Variants in SSBP2 observed in about 807,000 individuals in gnomAD.
The protein encoded by SSBP2 is single-stranded DNA-binding protein 2.
Under a neutral mutation model 61.8 loss-of-function variants are expected in SSBP2, and 17 were observed. That is an observed-to-expected ratio of 0.28 (90% CI 0.19 to 0.41). SSBP2 has a LOEUF of 0.41. Ranked by LOEUF, SSBP2 falls within the 10% of genes least tolerant of loss-of-function variation. The probability of loss-of-function intolerance (pLI) is 1.00; values close to 1 mark genes in which losing one functional copy is unlikely to be tolerated. For synonymous variants in SSBP2, 139 were observed against 141.3 expected, an observed-to-expected ratio of 0.98 and a Z score of 0.12; for missense variants, 310 against 458.7, an observed-to-expected ratio of 0.68 and a Z score of 2.96.
intron 6 of SSBP2, among the ~76,000 whole-genome samples, chr5:81,479,872 A>G (rs1765859480): frequency 6.6e-6 from 1 of 152,116 alleles, no homozygotes; most frequent in Admixed American, 6.6e-5. Flanking sequence ...GGTTTTATTG[A>G]TGCATGATTT....
At chr5:81,562,158 G>A (rs1003574443) in intron 4 of SSBP2, among the ~76,000 whole-genome samples, 2 of 151,826 alleles carry the variant, frequency 1.3e-5, no homozygotes, top group Admixed American at 6.6e-5. Context: ...CACTGGCTTC[G>A]GCCTCCCAAA....
At chr5:81,475,601 A>T (rs1765532418) in intron 6 of SSBP2, among the ~76,000 whole-genome samples, 1 of 152,120 alleles carries the variant, frequency 6.6e-6, no homozygotes, top group Non-Finnish European at 1.5e-5. Flanking sequence ...GCCATATCAA[A>T]CTTCTTTCAG....
chr5:81,450,281 C>A (rs1489035302), intron 10 of SSBP2, among the ~76,000 whole-genome samples: 1 of 152,144 alleles, frequency 6.6e-6, no homozygotes, highest in African/African-American at 2.4e-5. Context: ...CTTGACCTCC[C>A]AAAGTGTCAG....
chr5:81,617,989 T>A (rs1746223795), intron 3 of SSBP2, among the ~76,000 whole-genome samples: 1 of 133,828 alleles, frequency 7.5e-6, no homozygotes, highest in Admixed American at 7.7e-5. Context: ...TACCAGCTGC[T>A]GCAAAATCAT....
intron 15 of SSBP2, among the ~76,000 whole-genome samples, chr5:81,436,314 T>A (rs1267421260): frequency 6.6e-6 from 1 of 151,460 alleles, no homozygotes; most frequent in Non-Finnish European, 1.5e-5. Flanking sequence ...AAAACAGGCC[T>A]CATAAATACC....
At chr5:81,717,181 G>A (rs1481440138) in intron 1 of SSBP2, among the ~76,000 whole-genome samples, 1 of 152,152 alleles carries the variant, frequency 6.6e-6, no homozygotes, top group Non-Finnish European at 1.5e-5. Context: ...AGGGCCGTTT[G>A]TCAGGGTTGT....
intron 4 of SSBP2, among the ~76,000 whole-genome samples, chr5:81,537,155 C>T (rs1322648242): frequency 1.3e-5 from 2 of 152,138 alleles, no homozygotes; most frequent in South Asian, 2.1e-4. Flanking sequence ...GTGCTCTGAT[C>T]TCACTGGGCT....
At chr5:81,562,760 T>A (rs534633655) in intron 4 of SSBP2, among the ~76,000 whole-genome samples, 1 of 152,212 alleles carries the variant, frequency 6.6e-6, no homozygotes, top group South Asian at 2.1e-4. Context: ...CAACGAATAA[T>A]CAGATATTCA....
intron 4 of SSBP2, among the ~76,000 whole-genome samples, chr5:81,594,874 C>T (rs1027078121): frequency 1.7e-4 from 26 of 151,918 alleles, no homozygotes; most frequent in Non-Finnish European, 2.1e-4. Flanking sequence ...GCACTAAATG[C>T]CCACAAGAGA....
At position 81,699,513 on chromosome 5, in the gene SSBP2, T is replaced by C. The variant is rs915085755; in HGVS notation, c.63-49174A>G. 3.3e-5 allele frequency among the ~76,000 whole-genome samples: 5 copies of C among 152,226 alleles called. No individual in the cohort carries two copies. The East Asian group carries it at 7.7e-4, about 23-fold the overall frequency. On this transcript the variant is annotated intron_variant, in intron 1 of 16. Transcript: ENST00000320672. The stretch of plus-strand genomic sequence containing the variant: ...AGAAACCACTTTCTTTGCTCATCCA[T>C]AAGAAATAACTCCTCATCCATTTAA...
At chr5:81,569,236 A>C (rs1024752489) in intron 4 of SSBP2, among the ~76,000 whole-genome samples, 4 of 152,204 alleles carry the variant, frequency 2.6e-5, no homozygotes, top group African/African-American at 9.6e-5. Flanking sequence ...TGACAAAAGC[A>C]TAGTGTAACC....
intron 5 of SSBP2, among the ~76,000 whole-genome samples, chr5:81,498,344 T>C (rs1446565333): frequency 1.3e-5 from 2 of 152,112 alleles, no homozygotes; most frequent in African/African-American, 4.8e-5. Flanking sequence ...TAACTACGTA[T>C]ATACCAAATC....
chr5:81,515,985 T>C (rs1768990055), intron 4 of SSBP2, among the ~76,000 whole-genome samples: 1 of 151,854 alleles, frequency 6.6e-6, no homozygotes, highest in Non-Finnish European at 1.5e-5. Context: ...GTAGTTAATG[T>C]AATAGGAAAA....
chr5:81,639,311 G>C (rs985182007), intron 2 of SSBP2, among the ~76,000 whole-genome samples: 1 of 152,088 alleles, frequency 6.6e-6, no homozygotes, highest in Non-Finnish European at 1.5e-5. Flanking sequence ...TTAAAACAAG[G>C]TCAATATCTC....
In SSBP2 at chr5:81,420,899, G is replaced by A. The variant is rs143077467; in HGVS notation, c.1057-366C>T. 3.6e-3 allele frequency among the ~76,000 whole-genome samples: 545 copies of A among 152,224 alleles called. 2 individuals carry two copies. Among genetic ancestry groups the A allele is most frequent in the African/African-American group, 0.012 (505 of 41,526 alleles). On this transcript the variant is annotated intron_variant, in intron 16 of 16. Coordinates refer to ENST00000320672, the MANE Select transcript of SSBP2 (RefSeq NM_012446.5). ...TGGATCATAACTAAGTAAGTATGAG[G>A]TCTAGTCTTTGCTGTCTACTAGCTT...
chr5:81,701,879 C>T lies in SSBP2; in HGVS notation c.62+49102G>A, dbSNP rs532985362. ...ACCATACCATAAACCTATCTGACCT[C>T]AGAACCCTGTTAACCAACGATGCCA... is the stretch of plus-strand genomic sequence containing the variant. On this transcript the variant is annotated intron_variant, in intron 1 of 16. Coordinates refer to ENST00000320672, the MANE Select transcript of SSBP2 (RefSeq NM_012446.5). Among the ~76,000 whole-genome samples the T allele has an allele frequency of 1.1e-4, 16 of 152,278 alleles. No individual in the cohort carries two copies. In the South Asian group the frequency reaches 3.3e-3, roughly 32 times the overall value.
At chr5:81,716,702 C>T (rs1397327348) in intron 1 of SSBP2, among the ~76,000 whole-genome samples, 2 of 152,178 alleles carry the variant, frequency 1.3e-5, no homozygotes, top group Non-Finnish European at 2.9e-5. Context: ...ATCACTTCTT[C>T]AACTTCAGGG....
At chr5:81,422,981 C>T (rs1225531710) in intron 16 of SSBP2, among the ~76,000 whole-genome samples, 1 of 152,202 alleles carries the variant, frequency 6.6e-6, no homozygotes, top group African/African-American at 2.4e-5. Context: ...TTCAACTATC[C>T]AGAGCCTGCG....
intron 1 of SSBP2, among the ~76,000 whole-genome samples, chr5:81,672,324 C>T (rs1028714616): frequency 1.3e-5 from 2 of 152,014 alleles, no homozygotes; most frequent in African/African-American, 4.8e-5. Context: ...TGTTGGAACA[C>T]AAAAACTTAG....
Sources: allele counts gnomAD v4.1 joint callset (sites outside exome capture counted in the v4.1 genomes callset), GRCh38; gene constraint gnomAD v4.1.1; transcripts MANE v1.5; gene names NCBI Gene and HGNC (gene_info 2026-07-23, HGNC 2026-07-21).